GBP5: variants seen among roughly 807,000 people sequenced by gnomAD.
GBP5 encodes the protein guanylate-binding protein 5.
In GBP5, 48 loss-of-function variants were observed where a neutral mutation model predicts 58.2. The observed-to-expected ratio is 0.83, with a 90% confidence interval of 0.65 to 1.05. The LOEUF (loss-of-function observed/expected upper bound fraction) is 1.05. Ranked by LOEUF, GBP5 falls within the 50% of genes least tolerant of loss-of-function variation. The pLI is 0.00. For synonymous variants in GBP5, 248 were observed against 251.8 expected (o/e 0.98, Z 0.14); for missense variants, 714 against 686.8 (o/e 1.04, Z -0.44).
chr1:89,260,433 C>T lies in GBP5; in HGVS notation c.*271G>A. 3.6e-6 allele frequency: 1 copy of T among 278,198 alleles called. No individual in the cohort carries two copies. The highest frequency in any genetic ancestry group is 6.9e-6 in the Non-Finnish European group (1 of 145,386). The allele number at this position is 278,198 out of a possible 1,614,324, so 17.2% of individuals were successfully genotyped here. On this transcript the variant is annotated 3_prime_UTR_variant, in exon 12 of 12. Coordinates refer to ENST00000370459, the MANE Select transcript of GBP5 (RefSeq NM_052942.5). The stretch of plus-strand genomic sequence containing the variant: ...GGAAAGCATCTCCTGATGAAACCAT[C>T]CCAATATCACGCATAAATGAAGGCA...
intron 10 of GBP5, 99 bp from the exon 11 acceptor site, chr1:89,262,500 C>T (rs1650048457): frequency 1.7e-6 from 2 of 1,189,126 alleles, no homozygotes; most frequent in Admixed American, 2.3e-5. Flanking sequence ...ATAAAATTCC[C>T]AGGGGTTGTT....
chr1:89,267,359 C>G (rs1650262519), intron 5 of GBP5, 58 bp downstream of exon 5: 1 of 1,237,548 alleles, frequency 8.1e-7, no homozygotes, highest in Non-Finnish European at 1.2e-6. Flanking sequence ...AGACATGCAG[C>G]TGGTAAATAG....
rs1649810392 is a variant in GBP5 at position 89,257,035 on chromosome 1, T to C, written c.*3669A>G. The stretch of plus-strand genomic sequence containing the variant: ...GAATCTATGCTTTTGATTTCAATTA[T>C]TTTAGTAATTCCTTCTAAATTTTAA... On this transcript the variant is annotated 3_prime_UTR_variant, in exon 12 of 12. Coordinates refer to ENST00000370459, the MANE Select transcript of GBP5 (RefSeq NM_052942.5). 6.6e-6 allele frequency among the ~76,000 whole-genome samples: 1 copy of C among 152,224 alleles called. No homozygotes were observed. Among genetic ancestry groups the C allele is most frequent in the Non-Finnish European group, 1.5e-5 (1 of 68,036 alleles).
rs540088008 is a variant in GBP5 at position 89,258,819 on chromosome 1, A to G, written c.*1885T>C. 6.6e-6 allele frequency: 1 copy of G among 152,176 alleles called. No individual in the cohort carries two copies. Among genetic ancestry groups the G allele is most frequent in the Non-Finnish European group, 1.5e-5 (1 of 68,016 alleles). The allele number at this position is 152,176 out of a possible 1,614,324, so 9.4% of individuals were successfully genotyped here. ...TGGAGATATACAAAACAAAGTAACA[A>G]AAAGTACATAAAAAGATGTAATAAA... On this transcript the variant is annotated 3_prime_UTR_variant, in exon 12 of 12. Coordinates refer to ENST00000370459, the MANE Select transcript of GBP5 (RefSeq NM_052942.5).
intron 9 of GBP5, chr1:89,263,037 G>A (rs1650074504): frequency 9.2e-6 from 3 of 326,782 alleles, no homozygotes; most frequent in Non-Finnish European, 1.7e-5. Flanking sequence ...TGGTCAGTCA[G>A]AGCATGCAAG....
intron 1 of GBP5, chr1:89,271,204 A>G (rs893621852): frequency 7.2e-5 from 11 of 152,162 alleles, no homozygotes; most frequent in Admixed American, 4.6e-4. Context: ...TGAGCCCTAT[A>G]ACCTTTGCAA....
intron 3 of GBP5, 68 bp downstream of exon 3, chr1:89,269,298 C>T (rs1650346607): frequency 2.0e-6 from 3 of 1,465,120 alleles, no homozygotes; most frequent in African/African-American, 1.4e-5. Flanking sequence ...CTCCTTGCTT[C>T]CTCGTACTGG....
In GBP5 at chr1:89,262,239, A is replaced by AT; in HGVS notation, c.1627dup (p.Met543AsnfsTer22). ...GAATACCTGCATCTGTTGTTCCTGC[A>AT]TTTTCTGTTGCTCTGCCAGCCAATT... On this transcript the variant is annotated frameshift_variant, in exon 11 of 12. Coordinates refer to ENST00000370459, the MANE Select transcript of GBP5 (RefSeq NM_052942.5). LOFTEE classifies it low-confidence loss of function (END_TRUNC). 6.2e-7 allele frequency: 1 copy of AT among 1,614,094 alleles called. No homozygotes were observed. The highest frequency in any genetic ancestry group is 8.5e-7 in the Non-Finnish European group (1 of 1,179,994).
chr1:89,265,727 C>CAAAA (rs10539124), intron 7 of GBP5, among the ~76,000 whole-genome samples: 14 of 80,472 alleles, frequency 1.7e-4, no homozygotes, highest in African/African-American at 6.1e-4. Flanking sequence ...GACTCCACCT[C>CAAAA]AAAAAAAAAA....
rs1273529062 is a variant in GBP5 at position 89,257,497 on chromosome 1, G to A, written c.*3207C>T. On this transcript the variant is annotated 3_prime_UTR_variant, in exon 12 of 12. Coordinates refer to ENST00000370459, the MANE Select transcript of GBP5 (RefSeq NM_052942.5). ...TACCACAAGATGGTTATTAATGTGGGTTCTAAATTCAAAAGGCCTTCTGTG... is the reference window on the plus strand; with the variant it reads ...TACCACAAGATGGTTATTAATGTGGATTCTAAATTCAAAAGGCCTTCTGTG... Among the ~76,000 whole-genome samples, 3 of 152,112 alleles carry A rather than the reference G, an allele frequency of 2.0e-5. No individual in the cohort carries two copies. The highest frequency in any genetic ancestry group is 7.2e-5 in the African/African-American group (3 of 41,422).
chr1:89,266,333 A>G lies in GBP5; in HGVS notation c.868+13T>C. On this transcript the variant is annotated intron_variant, in intron 7 of 11. Coordinates refer to ENST00000370459, the MANE Select transcript of GBP5 (RefSeq NM_052942.5). ...ACATTAAATTGAAGGAAAATCCTAA[A>G]AATAATACTCACGAGATCCATTGAC... The G allele has an allele frequency of 6.2e-7, 1 of 1,606,620 alleles. No individual in the cohort carries two copies. The highest frequency in any genetic ancestry group is 8.5e-7 in the Non-Finnish European group (1 of 1,174,964).
In GBP5 at chr1:89,260,575, C is replaced by T; in HGVS notation, c.*129G>A. On this transcript the variant is annotated 3_prime_UTR_variant, in exon 12 of 12. Transcript: ENST00000370459. ...ATACCAGCATCATAATCTTATAACT[C>T]TATATGAAAGTTTGAAAAAATAATT... is the stretch of plus-strand genomic sequence containing the variant. The T allele has an allele frequency of 3.2e-6, 2 of 624,400 alleles. No homozygotes were observed. The highest frequency in any genetic ancestry group is 2.8e-6 in the Non-Finnish European group (1 of 354,014). The allele number at this position is 624,400 out of a possible 1,614,324, so 38.7% of individuals were successfully genotyped here. A position where few individuals can be genotyped will look rare whatever the true frequency, so the allele number is the denominator to read the frequency against.
chr1:89,262,341 C>T lies in GBP5; in HGVS notation c.1526G>A (p.Arg509Lys). 1.9e-6 allele frequency: 3 copies of T among 1,614,094 alleles called. No homozygotes were observed. The highest frequency in any genetic ancestry group is 2.2e-5 in the South Asian group (2 of 91,090). ...AEAQRLAAIQ[R>K]QNEQMMQERE... ...CTCCTGCATCATTTGCTCGTTCTGC[C>T]TTTGAATCGCCGCCAACCTTTGCGC... The change falls in exon 11 of 12, where the codon AGG becomes AAG. Residue 509 changes from arginine to lysine, a missense_variant. Arg to Lys is a conservative substitution (Grantham distance 26). Coordinates refer to ENST00000370459, the MANE Select transcript of GBP5 (RefSeq NM_052942.5).
intron 9 of GBP5, 95 bp downstream of exon 9, chr1:89,263,641 T>C (rs1650094617): frequency 1.3e-6 from 1 of 773,764 alleles, no homozygotes; most frequent in Admixed American, 2.0e-5. Flanking sequence ...ATAAACCTCA[T>C]CTGTGTGCCT....
chr1:89,260,903 G>A (rs1358764327), intron 11 of GBP5, 86 bp from the exon 12 acceptor site: 1 of 923,472 alleles, frequency 1.1e-6, no homozygotes, highest in Non-Finnish European at 1.8e-6. Flanking sequence ...TTCATCTACA[G>A]TAGCAGTAAA....
Position 89,264,940 on chromosome 1 carries a change from C to T in GBP5, c.895G>A (p.Val299Ile). Residue 299 changes from valine to isoleucine, a missense_variant, in exon 8 of 12, where the codon GTC becomes ATC. Coordinates refer to ENST00000370459, the MANE Select transcript of GBP5 (RefSeq NM_052942.5). ...AGATCCCCACTGCTGATGGCATTGA[C>T]ATAGGTCAGCACCAGGTTCTTTAGA... is the stretch of plus-strand genomic sequence containing the variant. ...SRLKNLVLTY[V>I]NAISSGDLPC... 6.2e-7 allele frequency: 1 copy of T among 1,613,992 alleles called. No homozygotes were observed. The highest frequency in any genetic ancestry group is 8.5e-7 in the Non-Finnish European group (1 of 1,179,846).
rs1408159641 is a variant in GBP5, at chr1:89,258,864, T to C, written c.*1840A>G. On this transcript the variant is annotated 3_prime_UTR_variant, in exon 12 of 12. Coordinates refer to ENST00000370459, the MANE Select transcript of GBP5 (RefSeq NM_052942.5). ...AATAAAGTGTGTTTTAATTCTAGTC[T>C]TAAAGCAATTCTTAATCTCCTTAGG... 2.0e-5 allele frequency: 3 copies of C among 152,198 alleles called. No homozygotes were observed. Among genetic ancestry groups the C allele is most frequent in the African/African-American group, 7.2e-5 (3 of 41,458 alleles). The allele number at this position is 152,198 out of a possible 1,614,324, so 9.4% of individuals were successfully genotyped here.
chr1:89,264,168 A>G (rs1049910975), intron 8 of GBP5, among the ~76,000 whole-genome samples: 2 of 152,134 alleles, frequency 1.3e-5, no homozygotes, highest in Non-Finnish European at 2.9e-5. Flanking sequence ...TATTTCTGCT[A>G]TAGGTGTAAT....
rs779558415 is a variant in GBP5 at position 89,264,775 on chromosome 1, G to A, written c.1060C>T (p.Leu354=). The A allele has an allele frequency of 1.8e-5, 29 of 1,614,024 alleles. No homozygotes were observed. Among genetic ancestry groups the A allele is most frequent in the Admixed American group, 3.3e-5 (2 of 59,996 alleles). Residue 354 remains leucine (L), a synonymous_variant, in exon 8 of 12, where the codon CTG becomes TTG. Coordinates refer to ENST00000370459, the MANE Select transcript of GBP5 (RefSeq NM_052942.5). ...PMETLQELLD[L]HRTSEREAIE... ...GCCTCCCTCTCACTGGTCCTGTGCA[G>A]GTCCAGCAGCTCCTGGAGGGTTTCC...
Sources: allele counts gnomAD v4.1 joint callset (sites outside exome capture counted in the v4.1 genomes callset), GRCh38; gene constraint gnomAD v4.1.1; transcripts MANE v1.5; gene names NCBI Gene and HGNC (gene_info 2026-07-23, HGNC 2026-07-21).